Variants in SLC26A11 observed in about 807,000 individuals in gnomAD.
SLC26A11 encodes sodium-independent sulfate anion transporter.
In SLC26A11, 58 loss-of-function variants were observed where a neutral mutation model predicts 62.2. The observed-to-expected ratio is 0.93, with a 90% CI of 0.76 to 1.16. The LOEUF is 1.16. SLC26A11 is among the 50% of genes most tolerant of loss of function. SLC26A11 has a pLI of 0.00. For synonymous variants in SLC26A11, 411 were observed against 368.9 expected, an observed-to-expected ratio of 1.11 and a Z score of -1.31; for missense variants, 790 against 794.3, an observed-to-expected ratio of 0.99 and a Z score of 0.06.
Position 80,222,625 on chromosome 17 carries a change from C to T in SLC26A11, c.235-30C>T. On this transcript the variant is annotated intron_variant, in intron 3 of 17. Coordinates refer to ENST00000361193, the MANE Select transcript of SLC26A11 (RefSeq NM_001166347.2). The surrounding 1 kb of genome is among the most constrained non-coding windows in gnomAD (Gnocchi z 4.7). ...GAGCTGGTGGATGGGCCTCGGCCTC[C>T]TGAGTGCTCACCACCCTCTCTCCCC... 6.2e-7 allele frequency: 1 copy of T among 1,605,670 alleles called. No homozygotes were observed. The highest frequency in any genetic ancestry group is 8.5e-7 in the Non-Finnish European group (1 of 1,174,758).
chr17:80,249,182 G>A lies in SLC26A11; in HGVS notation c.1551G>A (p.Glu517=). The A allele has an allele frequency of 6.2e-7, 1 of 1,609,754 alleles. No individual in the cohort carries two copies. Among genetic ancestry groups the A allele is most frequent in the African/African-American group, 1.3e-5 (1 of 74,992 alleles). ...EVSPPRCLVL[E]CTHVCSIDYT... ...CCCCGCCACGCTGCCTGGTCCTGGAGTGCACCCATGTCTGCAGCATCGACT... is the reference window on the plus strand; with the variant it reads ...CCCCGCCACGCTGCCTGGTCCTGGAATGCACCCATGTCTGCAGCATCGACT... The change falls in exon 16 of 18, where the codon GAG becomes GAA. Residue 517 remains glutamate, a synonymous_variant. Transcript: ENST00000361193.
Position 80,248,175 on chromosome 17 carries a change from G to C in SLC26A11, c.1340G>C (p.Trp447Ser), listed in dbSNP as rs767163564. The change falls in exon 14 of 18, where the codon TGG (tryptophan) becomes TCG (serine). Residue 447 changes from tryptophan (W) to serine (S), a missense_variant. By Grantham distance (177) the Trp-to-Ser change is radical. Coordinates refer to ENST00000361193, the MANE Select transcript of SLC26A11 (RefSeq NM_001166347.2). The part of the protein sequence containing the change: ...PLCVTFLLCF[W>S]EVQYGILAGA... The stretch of plus-strand genomic sequence containing the variant: ...TGCGTGACCTTCCTGCTGTGCTTCT[G>C]GGAGGTGCAGTACGGCATCCTGGCC... 1 of 1,608,022 alleles carries C rather than the reference G, an allele frequency of 6.2e-7. No individual in the cohort carries two copies. The highest frequency in any genetic ancestry group is 1.1e-5 in the South Asian group (1 of 90,950).
intron 8 of SLC26A11, 43 bp from the exon 9 acceptor site, chr17:80,237,479 A>G (rs890190885): frequency 6.4e-7 from 1 of 1,568,304 alleles, no homozygotes; most frequent in Admixed American, 1.9e-5. Context: ...GCTGGGTCCT[A>G]CCCCTTAGGA....
Position 80,251,393 on chromosome 17 carries a change from A to G in SLC26A11, c.1721A>G (p.Glu574Gly), listed in dbSNP as rs775644964. 12 of 1,613,988 alleles carry G rather than the reference A, an allele frequency of 7.4e-6. No individual in the cohort carries two copies. Among genetic ancestry groups the G allele is most frequent in the Middle Eastern group, 1.6e-4 (1 of 6,084 alleles). ...GGGTTCCAGTACTTCTCTACCCTGG[A>G]AGAAGCAGGTGGGCACAGTCAGACA... ...LKGFQYFSTL[E>G]EAEKHLRQEP... Residue 574 changes from glutamate (E) to glycine (G), a missense_variant, in exon 17 of 18, where the codon GAA becomes GGA. Coordinates refer to ENST00000361193, the MANE Select transcript of SLC26A11 (RefSeq NM_001166347.2).
rs866415182 is a variant in SLC26A11 at position 80,231,927 on chromosome 17, T to A, written c.736+3967T>A. Reference sequence around the variant, plus strand: ...TTTCTGCCATTATTGGGTGGAATGTTCTGTAAATGTCAGTTAGGTCTGGTT... The same window carrying A: ...TTTCTGCCATTATTGGGTGGAATGTACTGTAAATGTCAGTTAGGTCTGGTT... On this transcript the variant is annotated intron_variant, in intron 7 of 17. Transcript: ENST00000361193. Among the ~76,000 whole-genome samples the A allele has an allele frequency of 9.8e-5, 15 of 152,366 alleles. No individual in the cohort carries two copies. The Middle Eastern group carries it at 0.01, about 104-fold the overall frequency.
intron 16 of SLC26A11, 140 bp from the exon 17 acceptor site, chr17:80,251,189 C>T (rs2043145654): frequency 5.2e-6 from 8 of 1,536,846 alleles, no homozygotes; most frequent in South Asian, 2.4e-5. Context: ...CCTGGGGCTG[C>T]GTTTCTTCTC....
intron 7 of SLC26A11, among the ~76,000 whole-genome samples, chr17:80,236,202 TG>T (rs1453737352): frequency 6.6e-6 from 1 of 152,198 alleles, no homozygotes; most frequent in Non-Finnish European, 1.5e-5. Context: ...TCTTCCCCAC[TG>T]TGGGTTTGGG....
chr17:80,222,464 G>T lies in SLC26A11; in HGVS notation c.235-191G>T. 1 of 594,710 alleles carries T rather than the reference G, an allele frequency of 1.7e-6. No homozygotes were observed. Among genetic ancestry groups the T allele is most frequent in the Non-Finnish European group, 3.0e-6 (1 of 336,004 alleles). The allele number at this position is 594,710 out of a possible 1,614,324, so 36.8% of individuals were successfully genotyped here. A position where few individuals can be genotyped will look rare whatever the true frequency, so the allele number is the denominator to read the frequency against. ...TCTGCCTGGCTGTCTGCACCCTGAG[G>T]CCCCAGTTGAGTGCTGCTAAAAAAG... On this transcript the variant is annotated intron_variant, in intron 3 of 17. Coordinates refer to ENST00000361193, the MANE Select transcript of SLC26A11 (RefSeq NM_001166347.2). This position sits in a 1 kb window ranked among gnomAD's most constrained non-coding sequence, Gnocchi z 4.7.
At position 80,251,316 on chromosome 17, in the gene SLC26A11, G is replaced by A. The variant is rs778041410; in HGVS notation, c.1657-13G>A. 23 of 1,613,858 alleles carry A rather than the reference G, an allele frequency of 1.4e-5. No individual in the cohort carries two copies. In the South Asian group the frequency reaches 1.8e-4, roughly 12 times the overall value. On this transcript the variant is annotated splice_polypyrimidine_tract_variant and intron_variant, in intron 16 of 17. Coordinates refer to ENST00000361193, the MANE Select transcript of SLC26A11 (RefSeq NM_001166347.2). ...AACATCCCTGCCCTGGCTAAAGTCT[G>A]TCTGTCTCTCAGGTCCCCGTTCTCC...
intron 7 of SLC26A11, among the ~76,000 whole-genome samples, chr17:80,233,585 T>TTTG (rs386386752): frequency 1.1e-4 from 1 of 9,064 alleles, no homozygotes; most frequent in East Asian, 0.25. Context: ...TCTTTCAGCA[T>TTTG]TTTTTTTTTT....
chr17:80,249,391 G>A (rs1190383507), intron 16 of SLC26A11, 104 bp downstream of exon 16: 13 of 1,436,120 alleles, frequency 9.1e-6, no homozygotes, highest in East Asian at 2.4e-5. Context: ...GATGCTGGAC[G>A]GCCCTTCGGC....
intron 7 of SLC26A11, among the ~76,000 whole-genome samples, chr17:80,231,409 C>T (rs2042564432): frequency 1.3e-5 from 2 of 152,136 alleles, no homozygotes; most frequent in South Asian, 4.1e-4. Flanking sequence ...GGTGATCCAC[C>T]CGCCTCAGCC....
intron 5 of SLC26A11, among the ~76,000 whole-genome samples, chr17:80,224,256 A>C (rs7405821): frequency 1.5e-5 from 2 of 137,260 alleles, no homozygotes; most frequent in African/African-American, 2.7e-5. Flanking sequence ...GGAGTGTGTG[A>C]GTGTGTGCGT....
intron 10 of SLC26A11, among the ~76,000 whole-genome samples, chr17:80,242,507 G>A (rs1415618918): frequency 6.6e-6 from 1 of 152,192 alleles, no homozygotes; most frequent in African/African-American, 2.4e-5. Context: ...GTGGCCGGGG[G>A]AATCGAGAGG....
rs1051291745 is a variant in SLC26A11 at position 80,223,333 on chromosome 17, T to A, written c.509T>A (p.Ile170Asn). Residue 170 changes from isoleucine (I) to asparagine (N), a missense_variant, in exon 5 of 18, where the codon ATC (isoleucine) becomes AAC (asparagine). Transcript: ENST00000361193. This position sits in a 1 kb window ranked among gnomAD's most constrained non-coding sequence, Gnocchi z 4.6. ...AAAVTIGFGQ[I>N]KNLLGLQNIP... is the part of the protein sequence containing the mutation. ...GCCGTCACCATCGGCTTTGGACAGA[T>A]CAAGGTAGGCACGGCGCCCACCCAG... The A allele has an allele frequency of 1.9e-6, 3 of 1,613,920 alleles. No individual in the cohort carries two copies. Among genetic ancestry groups the A allele is most frequent in the Non-Finnish European group, 2.5e-6 (3 of 1,179,992 alleles).
At chr17:80,248,453 G>C in intron 14 of SLC26A11, 122 bp from the exon 15 acceptor site, 1 of 1,273,794 alleles carries the variant, frequency 7.9e-7, no homozygotes, top group Non-Finnish European at 1.1e-6. Context: ...TCTCCCCTTA[G>C]CACCCCTCTC....
chr17:80,243,341 C>A (rs2042912748), intron 10 of SLC26A11, among the ~76,000 whole-genome samples: 1 of 152,182 alleles, frequency 6.6e-6, no homozygotes, highest in South Asian at 2.1e-4. Flanking sequence ...AAAGACCCCA[C>A]CAGTAAATCT....
At chr17:80,238,333 G>A (rs563483730) in intron 9 of SLC26A11, among the ~76,000 whole-genome samples, 1 of 152,286 alleles carries the variant, frequency 6.6e-6, no homozygotes, top group South Asian at 2.1e-4. Context: ...AGCCTGGGCA[G>A]CAGAACAAGA....
In SLC26A11 at chr17:80,223,563, G is replaced by T. The variant is rs1462918079; in HGVS notation, c.513+226G>T. ...CACGTGATGGTTGGATTTCACAGCGGGTAACTTGGGGGCCGGTAATTCCAT... is the reference window on the plus strand; with the variant it reads ...CACGTGATGGTTGGATTTCACAGCGTGTAACTTGGGGGCCGGTAATTCCAT... On this transcript the variant is annotated intron_variant, in intron 5 of 17. Transcript: ENST00000361193. This position sits in a 1 kb window ranked among gnomAD's most constrained non-coding sequence, Gnocchi z 4.6. Among the ~76,000 whole-genome samples, 1 of 152,194 alleles carries T rather than the reference G, an allele frequency of 6.6e-6. No individual in the cohort carries two copies. Among genetic ancestry groups the T allele is most frequent in the African/African-American group, 2.4e-5 (1 of 41,444 alleles).
Sources: allele counts gnomAD v4.1 joint callset (sites outside exome capture counted in the v4.1 genomes callset), GRCh38; gene constraint gnomAD v4.1.1; non-coding constraint Gnocchi (gnomAD v3.1); transcripts MANE v1.5; gene names NCBI Gene and HGNC (gene_info 2026-07-23, HGNC 2026-07-21).